The following MED13L variants were observed in gnomAD, a reference collection of about 807,000 sequenced individuals.
The protein encoded by MED13L is mediator of RNA polymerase II transcription subunit 13-like.
MED13L carries 7 observed loss-of-function variants against 220.9 expected under a neutral mutation model. The observed-to-expected ratio is 0.03, with a 90% CI of 0.02 to 0.06. The LOEUF (loss-of-function observed/expected upper bound fraction) is 0.06, where lower values mean the gene tolerates loss of function less well. Among genes scored for constraint, MED13L ranks in the 10% least tolerant of loss-of-function variants. MED13L has a pLI of 1.00. For synonymous variants in MED13L, 1,011 were observed against 1,015.2 expected, an observed-to-expected ratio of 1.00 and a Z score of 0.08; for missense variants, 1,965 against 2,760.5, an observed-to-expected ratio of 0.71 and a Z score of 6.46.
chr12:116,159,621 A>T (rs1366191728), intron 2 of MED13L, among the ~76,000 whole-genome samples: 1 of 152,174 alleles, frequency 6.6e-6, no homozygotes, highest in Admixed American at 6.5e-5. Flanking sequence ...AAAGCACTCA[A>T]GTATCACTAC....
chr12:116,181,318 A>G (rs1272047244), intron 2 of MED13L: 1 of 152,124 alleles, frequency 6.6e-6, no homozygotes, highest in East Asian at 1.9e-4. Flanking sequence ...CGGCAATCCA[A>G]GTTTTACAAA....
intron 4 of MED13L, among the ~76,000 whole-genome samples, chr12:116,082,398 T>C (rs983188536): frequency 2.6e-5 from 4 of 152,316 alleles, no homozygotes; most frequent in South Asian, 2.1e-4. Flanking sequence ...AAAAAATATA[T>C]AGAAGTGTTG....
intron 1 of MED13L, among the ~76,000 whole-genome samples, chr12:116,262,896 T>C (rs1251625993): frequency 6.6e-6 from 1 of 152,194 alleles, no homozygotes; most frequent in East Asian, 1.9e-4. Context: ...TCTCAAGTAA[T>C]TTGTAGACAA....
chr12:116,090,812 A>G (rs538404342), intron 4 of MED13L, among the ~76,000 whole-genome samples: 16 of 152,248 alleles, frequency 1.1e-4, no homozygotes, highest in African/African-American at 3.6e-4. Flanking sequence ...TATTCTCTCA[A>G]CCTCTCCAGT....
intron 13 of MED13L, 92 bp downstream of exon 13, chr12:116,005,777 C>T: frequency 6.6e-7 from 1 of 1,521,384 alleles, no homozygotes; most frequent in Non-Finnish European, 9.1e-7. Context: ...CCCCCAAATT[C>T]AGGACACCAA....
At chr12:115,996,419 G>A in intron 16 of MED13L, 57 bp downstream of exon 16, 1 of 1,562,392 alleles carries the variant, frequency 6.4e-7, no homozygotes, top group Non-Finnish European at 8.8e-7. Flanking sequence ...CAAACATTTA[G>A]TTAAGATAAA....
chr12:115,961,550 T>A (rs1875755308), intron 30 of MED13L, 152 bp from the exon 31 acceptor site: 1 of 1,064,556 alleles, frequency 9.4e-7, no homozygotes, highest in South Asian at 1.4e-5. Flanking sequence ...TTGTCTCATG[T>A]TCCTCCTTCC....
intron 4 of MED13L, among the ~76,000 whole-genome samples, chr12:116,028,280 A>G (rs1454683825): frequency 6.6e-6 from 1 of 152,192 alleles, no homozygotes; most frequent in African/African-American, 2.4e-5. Context: ...GTGTTACATG[A>G]GAAGTGGGAG....
chr12:116,271,112 C>G (rs1354939085), intron 1 of MED13L, among the ~76,000 whole-genome samples: 1 of 142,264 alleles, frequency 7.0e-6, no homozygotes, highest in African/African-American at 2.6e-5. Flanking sequence ...TTAAATGACT[C>G]AAGAGGGGGG....
chr12:116,061,636 C>T (rs979467074), intron 4 of MED13L, among the ~76,000 whole-genome samples: 1 of 152,018 alleles, frequency 6.6e-6, no homozygotes, highest in South Asian at 2.1e-4. Flanking sequence ...AATGCGCATC[C>T]CAAATTACCT....
intron 4 of MED13L, among the ~76,000 whole-genome samples, chr12:116,038,828 C>T (rs1226410259): frequency 6.9e-6 from 1 of 144,992 alleles, no homozygotes; most frequent in South Asian, 2.2e-4. Context: ...TCTTATAGAA[C>T]GTTATTTCCC....
chr12:116,215,072 T>C (rs1593173363), intron 2 of MED13L, among the ~76,000 whole-genome samples: 1 of 152,338 alleles, frequency 6.6e-6, no homozygotes, highest in East Asian at 1.9e-4. Flanking sequence ...AGCAGTAGGT[T>C]AATTCCTTTT....
intron 4 of MED13L, among the ~76,000 whole-genome samples, chr12:116,057,916 A>C (rs1285260954): frequency 6.6e-6 from 1 of 152,122 alleles, no homozygotes; most frequent in Admixed American, 6.5e-5. Context: ...TAGTTTATAA[A>C]TAGAATTCAG....
chr12:116,223,710 T>A (rs538923760), intron 2 of MED13L, among the ~76,000 whole-genome samples: 5 of 151,784 alleles, frequency 3.3e-5, no homozygotes, highest in African/African-American at 1.2e-4. Context: ...ATCTCAAAAA[T>A]AAAATAAAAA....
intron 1 of MED13L, among the ~76,000 whole-genome samples, chr12:116,241,194 A>T (rs1373677984): frequency 6.6e-6 from 1 of 151,894 alleles, no homozygotes; most frequent in Non-Finnish European, 1.5e-5. Context: ...AATCCCAGCT[A>T]CTTGGGAGGC....
At chr12:116,131,156 A>G (rs1876034721) in intron 2 of MED13L, among the ~76,000 whole-genome samples, 1 of 152,228 alleles carries the variant, frequency 6.6e-6, no homozygotes. Flanking sequence ...CCTGTTGAGA[A>G]CCACTGAAGA....
intron 4 of MED13L, among the ~76,000 whole-genome samples, chr12:116,073,999 T>A (rs1870586791): frequency 6.6e-6 from 1 of 152,252 alleles, no homozygotes; most frequent in South Asian, 2.1e-4. Flanking sequence ...GTCATGTGGT[T>A]ATCAAAGCCG....
rs140262065 is a variant in MED13L at position 116,140,632 on chromosome 12, C to T, written c.311-29120G>A. Among the ~76,000 whole-genome samples the T allele has an allele frequency of 7.9e-3, 1,209 of 152,226 alleles. 18 individuals carry two copies. Among genetic ancestry groups the T allele is most frequent in the African/African-American group, 0.027 (1,130 of 41,530 alleles). On this transcript the variant is annotated intron_variant, in intron 2 of 30. Transcript: ENST00000281928. Reference sequence around the variant, plus strand: ...AAATCATCACATCCAAGTCTAACTACAAAAAGGACCCAGAAAAGTACGTAA... The same window carrying T: ...AAATCATCACATCCAAGTCTAACTATAAAAAGGACCCAGAAAAGTACGTAA...
chr12:116,022,340 G>T, intron 5 of MED13L, 116 bp downstream of exon 5: 1 of 1,233,054 alleles, frequency 8.1e-7, no homozygotes, highest in Non-Finnish European at 1.2e-6. Context: ...TGACCCTTAT[G>T]CTTAGCTTTA....
Sources: gnomAD v4.1 joint callset for allele counts (sites outside exome capture counted in the v4.1 genomes callset) on GRCh38, gnomAD v4.1.1 for gene constraint, MANE v1.5 for transcripts, NCBI Gene and HGNC (gene_info 2026-07-23, HGNC 2026-07-21) for gene names.